TNRC18: variants seen among roughly 807,000 people sequenced by gnomAD.
TNRC18 encodes trinucleotide repeat containing 18, also known as trinucleotide repeat-containing gene 18 protein.
Under a neutral mutation model 226.7 loss-of-function variants are expected in TNRC18, and 69 were observed. The observed-to-expected ratio is 0.30, with a 90% CI of 0.25 to 0.37. The LOEUF is 0.37. TNRC18 is among the 10% of genes least tolerant of loss of function. The probability of loss-of-function intolerance (pLI) is 1.00; values close to 1 mark genes in which losing one functional copy is unlikely to be tolerated. For synonymous variants in TNRC18, 2,449 were observed against 1,927.6 expected (o/e 1.27, Z -7.09); for missense variants, 4,754 against 4,256.6 (o/e 1.12, Z -3.25).
At chr7:5,409,024 C>A (rs1010047695) in intron 2 of TNRC18, among the ~76,000 whole-genome samples, 3 of 152,152 alleles carry the variant, frequency 2.0e-5, no homozygotes, top group African/African-American at 7.2e-5. Context: ...TCAACGTCAA[C>A]AGACAAGAAA....
intron 25 of TNRC18, 77 bp from the exon 26 acceptor site, chr7:5,315,225 G>A (rs1787732120): frequency 8.2e-6 from 12 of 1,470,226 alleles, no homozygotes; most frequent in African/African-American, 1.4e-5. Context: ...GGTCTGTCCC[G>A]GGGATCAGGG....
At position 5,312,956 on chromosome 7, in the gene TNRC18, CGAA is replaced by C. The variant is rs1221217425; in HGVS notation, c.7932_7934del (p.Ser2671del). On this transcript the variant is annotated inframe_deletion, in exon 27 of 30. Transcript: ENST00000430969. The surrounding 1 kb of genome is among the most constrained non-coding windows in gnomAD (Gnocchi z 6.3). ...AGGAGGAGGAGGAAGAGGAGGAAGA[CGAA>C]GAGGAAGAGGAGGAGGAGGAAGAGG... The C allele has an allele frequency of 5.3e-5, 66 of 1,241,736 alleles. No individual in the cohort carries two copies. Among genetic ancestry groups the C allele is most frequent in the South Asian group, 1.3e-4 (9 of 68,838 alleles). The allele number at this position is 1,241,736 out of a possible 1,614,324, so 76.9% of individuals were successfully genotyped here.
intron 18 of TNRC18, among the ~76,000 whole-genome samples, chr7:5,335,408 G>A (rs1172954290): frequency 6.7e-6 from 1 of 150,060 alleles, no homozygotes; most frequent in African/African-American, 2.5e-5. Flanking sequence ...AGGAGTTCAA[G>A]ACCAGCCTGG....
chr7:5,422,181 G>T (rs937159329), intron 1 of TNRC18, among the ~76,000 whole-genome samples: 1 of 152,104 alleles, frequency 6.6e-6, no homozygotes, highest in East Asian at 1.9e-4. Flanking sequence ...CTAAGGACTG[G>T]AAAGAATCCT....
rs1350282249 is a variant in TNRC18, at chr7:5,350,658, C to T, written c.5470+1161G>A. Among the ~76,000 whole-genome samples, 12 of 152,352 alleles carry T rather than the reference C, an allele frequency of 7.9e-5. No individual in the cohort carries two copies. In the South Asian group the frequency reaches 2.3e-3, roughly 29 times the overall value. On this transcript the variant is annotated intron_variant, in intron 17 of 29. Transcript: ENST00000430969. ...GTCAGAGATTCACTTGCTTCCCTTTCTTGGGGCATTTCTGGTTGAAGGGCC... is the reference window on the plus strand; with the variant it reads ...GTCAGAGATTCACTTGCTTCCCTTTTTTGGGGCATTTCTGGTTGAAGGGCC...
intron 2 of TNRC18, among the ~76,000 whole-genome samples, chr7:5,419,240 T>C (rs1420857730): frequency 1.3e-5 from 2 of 152,236 alleles, no homozygotes; most frequent in Non-Finnish European, 1.5e-5. Flanking sequence ...TGTGCATGCA[T>C]GCATGAGTAG....
intron 19 of TNRC18, chr7:5,325,568 CACCCGCCA>C (rs1282219714): frequency 3.3e-6 from 1 of 302,396 alleles, no homozygotes; most frequent in Non-Finnish European, 6.2e-6. Context: ...GGACTACAGG[CACCCGCCA>C]CCACACCTGG....
intron 17 of TNRC18, among the ~76,000 whole-genome samples, chr7:5,346,428 G>A (rs142692471): frequency 6.6e-4 from 101 of 152,240 alleles, no homozygotes; most frequent in Non-Finnish European, 7.5e-4. Flanking sequence ...CCCGGGAGGC[G>A]GAGGTTGCAG....
Position 5,313,663 on chromosome 7 carries a change from C to T in TNRC18, c.7228G>A (p.Glu2410Lys), listed in dbSNP as rs751226804. 35 of 1,605,496 alleles carry T rather than the reference C, an allele frequency of 2.2e-5. No individual in the cohort carries two copies. Among genetic ancestry groups the T allele is most frequent in the Non-Finnish European group, 3.0e-5 (35 of 1,176,944 alleles). ...PPAFTSCPAP[E>K]PFAELPAPAT... is the part of the protein sequence containing the mutation. The stretch of plus-strand genomic sequence containing the variant: ...GGAGCTGGCAGCTCTGCAAATGGCT[C>T]GGGTGCTGGGCAGCTGGTGAAGGCG... Residue 2410 changes from glutamate (E) to lysine (K), a missense_variant, in exon 27 of 30, where the codon GAG becomes AAG. Coordinates refer to ENST00000430969, the MANE Select transcript of TNRC18 (RefSeq NM_001080495.3).
intron 11 of TNRC18, among the ~76,000 whole-genome samples, chr7:5,363,743 G>A (rs1793324431): frequency 6.6e-6 from 1 of 152,132 alleles, no homozygotes; most frequent in African/African-American, 2.4e-5. Flanking sequence ...GTTCTTTCCA[G>A]CAGTACGGCT....
chr7:5,319,807 G>A (rs543609866), intron 24 of TNRC18, among the ~76,000 whole-genome samples: 2 of 152,154 alleles, frequency 1.3e-5, no homozygotes, highest in Non-Finnish European at 1.5e-5. Flanking sequence ...ACCACATCCA[G>A]CCTCATTCTC....
At chr7:5,421,945 A>G (rs1181738048) in intron 1 of TNRC18, among the ~76,000 whole-genome samples, 1 of 152,240 alleles carries the variant, frequency 6.6e-6, no homozygotes, top group African/African-American at 2.4e-5. Flanking sequence ...CGCAAAGTTT[A>G]ATATTTAACC....
At chr7:5,400,249 A>G (rs1780990749) in intron 2 of TNRC18, among the ~76,000 whole-genome samples, 1 of 152,110 alleles carries the variant, frequency 6.6e-6, no homozygotes. Context: ...AGAGAAGCTA[A>G]AAGCACCTAC....
chr7:5,345,648 C>T lies in TNRC18; in HGVS notation c.5633G>A (p.Ser1878Asn). The T allele has an allele frequency of 6.4e-7, 1 of 1,555,930 alleles. No homozygotes were observed. Among genetic ancestry groups the T allele is most frequent in the South Asian group, 1.2e-5 (1 of 84,308 alleles). ...AGACAGGGATGGACCCACCGTGGGG[C>T]TGGGGAGGGCGCTGGCGGCGAAGCG... is the stretch of plus-strand genomic sequence containing the variant. ...LARFAASALPSPTVGPSLSVV... is the reference protein window; with the variant it reads ...LARFAASALPNPTVGPSLSVV... Residue 1878 changes from serine (S) to asparagine (N), a missense_variant, in exon 18 of 30, where the codon AGC becomes AAC. Coordinates refer to ENST00000430969, the MANE Select transcript of TNRC18 (RefSeq NM_001080495.3).
chr7:5,350,875 T>C (rs1791729108), intron 17 of TNRC18, among the ~76,000 whole-genome samples: 2 of 152,132 alleles, frequency 1.3e-5, no homozygotes, highest in African/African-American at 4.8e-5. Context: ...ACGGAGCCGC[T>C]TTCGTATTGA....
rs1584028340 is a variant in TNRC18, at chr7:5,388,699, C to T, written c.1125G>A (p.Val375=). The T allele has an allele frequency of 1.0e-5, 13 of 1,266,030 alleles. No individual in the cohort carries two copies. The highest frequency in any genetic ancestry group is 1.3e-5 in the Non-Finnish European group (13 of 1,003,602). The allele number at this position is 1,266,030 out of a possible 1,614,324, so 78.4% of individuals were successfully genotyped here. ...GCTCGTCGAAGGCCTCCACGGAAGGCACGAAGGTGGGCGCCACCACGCGGT... is the reference window on the plus strand; with the variant it reads ...GCTCGTCGAAGGCCTCCACGGAAGGTACGAAGGTGGGCGCCACCACGCGGT... ...REHRVVAPTF[V]PSVEAFDERP... Residue 375 remains valine (V), a synonymous_variant, in exon 5 of 30, where the codon GTG becomes GTA. Transcript: ENST00000430969.
chr7:5,358,745 C>T (rs991695981), intron 15 of TNRC18, among the ~76,000 whole-genome samples: 4 of 152,060 alleles, frequency 2.6e-5, no homozygotes, highest in African/African-American at 7.2e-5. Flanking sequence ...ACCTGGGAGG[C>T]GGATGTTGCA....
intron 15 of TNRC18, among the ~76,000 whole-genome samples, chr7:5,357,678 G>A (rs1209103481): frequency 6.6e-6 from 1 of 152,118 alleles, no homozygotes; most frequent in Non-Finnish European, 1.5e-5. Context: ...TTGTAGAGCT[G>A]GGGTTTCATC....
intron 2 of TNRC18, among the ~76,000 whole-genome samples, chr7:5,409,126 C>T (rs1781675822): frequency 6.6e-6 from 1 of 151,314 alleles, no homozygotes; most frequent in Admixed American, 6.7e-5. Flanking sequence ...GGCCAACAAG[C>T]CCCACCCTTA....
Sources: allele counts gnomAD v4.1 joint callset (sites outside exome capture counted in the v4.1 genomes callset), GRCh38; gene constraint gnomAD v4.1.1; non-coding constraint Gnocchi (gnomAD v3.1); transcripts MANE v1.5; gene names NCBI Gene and HGNC (gene_info 2026-07-23, HGNC 2026-07-21).